The following FBXO40 variants were observed in gnomAD, a reference collection of about 807,000 sequenced individuals.
FBXO40 encodes the protein F-box protein 40, also known as F-box only protein 40.
Under a neutral mutation model 49.9 loss-of-function variants are expected in FBXO40, and 50 were observed. The ratio of observed to expected loss-of-function variants is 1.00; its 90% CI spans 0.80 to 1.27. The LOEUF (loss-of-function observed/expected upper bound fraction) is 1.27. Ranked by LOEUF, FBXO40 falls within the 50% of genes most tolerant of loss-of-function variation. The pLI, the probability that FBXO40 is intolerant of heterozygous loss-of-function variation, is 0.00. For missense variants in FBXO40, 895 were observed against 870.1 expected, an observed-to-expected ratio of 1.03 and a Z score of -0.36; for synonymous variants, 340 against 320.2, an observed-to-expected ratio of 1.06 and a Z score of -0.66.
intron 3 of FBXO40, among the ~76,000 whole-genome samples, chr3:121,623,607 T>G (rs1450653331): frequency 6.6e-6 from 1 of 151,904 alleles, no homozygotes; most frequent in East Asian, 1.9e-4. Flanking sequence ...CCTCAAGTGA[T>G]CCTCCCATAT....
rs1473707888 is a variant in FBXO40, at chr3:121,622,624, A to G, written c.1195A>G (p.Thr399Ala). 1 of 1,614,074 alleles carries G rather than the reference A, an allele frequency of 6.2e-7. No homozygotes were observed. Among genetic ancestry groups the G allele is most frequent in the South Asian group, 1.1e-5 (1 of 91,068 alleles). The change falls in exon 3 of 4, where the codon ACC (threonine) becomes GCC (alanine). Residue 399 changes from threonine (T) to alanine (A), a missense_variant. By Grantham distance (58) the Thr-to-Ala change is moderately conservative (BLOSUM62 0). Transcript: ENST00000338040. ...DLPKSDLIKT[T>A]LQCALERELK... ...GCCCAAATCAGATCTCATCAAGACC[A>G]CCCTCCAGTGTGCTTTGGAAAGAGA...
At chr3:121,598,258 A>T (rs910902825) in intron 1 of FBXO40, among the ~76,000 whole-genome samples, 1 of 152,234 alleles carries the variant, frequency 6.6e-6, no homozygotes, top group Non-Finnish European at 1.5e-5. Context: ...CAAAAGAGCA[A>T]GCAAGGGAGA....
intron 1 of FBXO40, among the ~76,000 whole-genome samples, chr3:121,618,528 A>G (rs1191847699): frequency 6.6e-6 from 1 of 150,736 alleles, no homozygotes; most frequent in Non-Finnish European, 1.5e-5. Flanking sequence ...CTGAGATTAC[A>G]GGCATATGCC....
chr3:121,614,202 G>A (rs1467796664), intron 1 of FBXO40, among the ~76,000 whole-genome samples: 1 of 150,292 alleles, frequency 6.7e-6, no homozygotes, highest in Non-Finnish European at 1.5e-5. Context: ...GGAAGGCGGA[G>A]GTTGCAGTGA....
chr3:121,622,532 T>C lies in FBXO40; in HGVS notation c.1103T>C (p.Leu368Ser). Residue 368 changes from leucine (L) to serine (S), a missense_variant, in exon 3 of 4, where the codon TTG becomes TCG. Leu to Ser is a moderately radical substitution (Grantham distance 145). Transcript: ENST00000338040. ...GKRARLGDAM[L>S]SCKPSEHKAV... ...CGAGCTCGACTTGGAGATGCCATGT[T>C]GAGTTGTAAGCCAAGTGAACACAAG... 6.2e-7 allele frequency: 1 copy of C among 1,614,214 alleles called. No individual in the cohort carries two copies. The highest frequency in any genetic ancestry group is 8.5e-7 in the Non-Finnish European group (1 of 1,180,036).
In FBXO40 at chr3:121,623,234, T is replaced by G; in HGVS notation, c.1805T>G (p.Leu602Arg). The change falls in exon 3 of 4, where the codon CTG becomes CGG. Residue 602 changes from leucine (L) to arginine (R), a missense_variant. By Grantham distance (102) the Leu-to-Arg change is moderately radical. Coordinates refer to ENST00000338040, the MANE Select transcript of FBXO40 (RefSeq NM_016298.4). ...SLAQLSQVSV[L>R]MRNICATLLQ... ...GCCCAGCTCTCCCAGGTGTCTGTGC[T>G]GATGAGGAATATCTGTGCCACTTTG... 1.2e-6 allele frequency: 2 copies of G among 1,614,190 alleles called. No homozygotes were observed. Among genetic ancestry groups the G allele is most frequent in the Non-Finnish European group, 1.7e-6 (2 of 1,180,036 alleles).
chr3:121,624,330 G>T (rs1406531463), intron 3 of FBXO40, among the ~76,000 whole-genome samples: 1 of 152,090 alleles, frequency 6.6e-6, no homozygotes, highest in Non-Finnish European at 1.5e-5. Context: ...ACTAGGCATG[G>T]GAACAGTTGC....
At chr3:121,626,208 TTCC>T (rs1388887584) in intron 3 of FBXO40, among the ~76,000 whole-genome samples, 1 of 152,180 alleles carries the variant, frequency 6.6e-6, no homozygotes, top group Non-Finnish European at 1.5e-5. Context: ...TTACCTCTAC[TTCC>T]TCAATAATGG....
At chr3:121,624,241 C>T (rs1479869961) in intron 3 of FBXO40, among the ~76,000 whole-genome samples, 1 of 152,120 alleles carries the variant, frequency 6.6e-6, no homozygotes, top group Non-Finnish European at 1.5e-5. Context: ...CCACCCGCCT[C>T]AGCCTCCTAA....
chr3:121,597,786 C>T (rs745834054), intron 1 of FBXO40, among the ~76,000 whole-genome samples: 49 of 151,638 alleles, frequency 3.2e-4, no homozygotes, highest in Non-Finnish European at 6.0e-4. Context: ...CTCAGTCTCC[C>T]GAGCGTCTGG....
In FBXO40 at chr3:121,621,455, C is replaced by G; in HGVS notation, c.26C>G (p.Pro9Arg). ...CAGGGGAAAGCCCGCAGATCCCCGC[C>G]AGGGCACCACAGGCATTGTGAGGGA... is the stretch of plus-strand genomic sequence containing the variant. MGKARRSP[P>R]GHHRHCEGCF... The change falls in exon 3 of 4, where the codon CCA becomes CGA. Residue 9 changes from proline (P) to arginine (R), a missense_variant. Coordinates refer to ENST00000338040, the MANE Select transcript of FBXO40 (RefSeq NM_016298.4). The G allele has an allele frequency of 1.2e-6, 2 of 1,613,774 alleles. No individual in the cohort carries two copies. The highest frequency in any genetic ancestry group is 2.2e-5 in the South Asian group (2 of 91,010).
chr3:121,619,885 G>A (rs2049020868), intron 1 of FBXO40, among the ~76,000 whole-genome samples: 1 of 152,166 alleles, frequency 6.6e-6, no homozygotes, highest in African/African-American at 2.4e-5. Flanking sequence ...ACCAGGTCTG[G>A]CAACACATTC....
intron 1 of FBXO40, among the ~76,000 whole-genome samples, chr3:121,613,469 G>A (rs1431972327): frequency 6.6e-6 from 1 of 152,108 alleles, no homozygotes; most frequent in Admixed American, 6.5e-5. Flanking sequence ...ACTATTTCAG[G>A]GCAAAAATGA....
intron 3 of FBXO40, among the ~76,000 whole-genome samples, chr3:121,625,584 A>G (rs1410499229): frequency 6.6e-6 from 1 of 152,234 alleles, no homozygotes; most frequent in African/African-American, 2.4e-5. Flanking sequence ...CACTGCCTTC[A>G]GGAATCGTAT....
At chr3:121,611,482 T>C (rs536700487) in intron 1 of FBXO40, among the ~76,000 whole-genome samples, 1 of 152,166 alleles carries the variant, frequency 6.6e-6, no homozygotes, top group African/African-American at 2.4e-5. Flanking sequence ...GAGTAAAGAA[T>C]AACAAGGCAG....
At chr3:121,617,417 AACCC>A (rs2049003480) in intron 1 of FBXO40, among the ~76,000 whole-genome samples, 1 of 151,528 alleles carries the variant, frequency 6.6e-6, no homozygotes, top group African/African-American at 2.4e-5. Flanking sequence ...AACGTGGTGA[AACCC>A]CGTCTCTACT....
intron 1 of FBXO40, among the ~76,000 whole-genome samples, chr3:121,595,113 A>C (rs2048864781): frequency 6.6e-6 from 1 of 152,214 alleles, no homozygotes; most frequent in Admixed American, 6.5e-5. Context: ...GCCAAGTAAA[A>C]GGAGACCTAA....
At chr3:121,614,490 C>T (rs1215816155) in intron 1 of FBXO40, among the ~76,000 whole-genome samples, 2 of 151,916 alleles carry the variant, frequency 1.3e-5, no homozygotes, top group East Asian at 1.9e-4. Flanking sequence ...CCATCCTTCC[C>T]GTGGCAGCCT....
At chr3:121,608,052 C>T (rs566571620) in intron 1 of FBXO40, among the ~76,000 whole-genome samples, 1 of 152,328 alleles carries the variant, frequency 6.6e-6, no homozygotes, top group South Asian at 2.1e-4. Flanking sequence ...CCTTGGAGTA[C>T]ACTGGCTCGG....
Sources: gnomAD v4.1 joint callset for allele counts (sites outside exome capture counted in the v4.1 genomes callset) on GRCh38, gnomAD v4.1.1 for gene constraint, MANE v1.5 for transcripts, NCBI Gene and HGNC (gene_info 2026-07-23, HGNC 2026-07-21) for gene names.